Variants in PRKN observed in about 807,000 individuals in gnomAD.
PRKN encodes parkin RBR E3 ubiquitin protein ligase, also known as E3 ubiquitin-protein ligase parkin.
A neutral mutation model predicts 59.5 loss-of-function variants in PRKN; 56 were observed. The ratio of observed to expected loss-of-function variants is 0.94; its 90% CI spans 0.76 to 1.18. The LOEUF (loss-of-function observed/expected upper bound fraction) is 1.18, where lower values mean the gene tolerates loss of function less well. Ranked by LOEUF, PRKN falls within the 50% of genes most tolerant of loss-of-function variation. The pLI, the probability that PRKN is intolerant of heterozygous loss-of-function variation, is 0.00. For missense variants in PRKN, 657 were observed against 596.4 expected, an observed-to-expected ratio of 1.10 and a Z score of -1.06; for synonymous variants, 250 against 222.1, an observed-to-expected ratio of 1.13 and a Z score of -1.12.
intron 1 of PRKN, among the ~76,000 whole-genome samples, chr6:162,509,601 T>C (rs2023000): frequency 6.6e-6 from 1 of 152,010 alleles, no homozygotes; most frequent in Non-Finnish European, 1.5e-5. Context: ...AAAAATAAAT[T>C]AGTTTGAAAG....
intron 2 of PRKN, among the ~76,000 whole-genome samples, chr6:162,322,129 A>G (rs1373240241): frequency 6.6e-6 from 1 of 152,054 alleles, no homozygotes; most frequent in Non-Finnish European, 1.5e-5. Context: ...TAATAAGTAA[A>G]CTTAACAATT....
chr6:161,902,173 G>T (rs545035708), intron 6 of PRKN, among the ~76,000 whole-genome samples: 1 of 152,260 alleles, frequency 6.6e-6, no homozygotes, highest in African/African-American at 2.4e-5. Flanking sequence ...CTGGGCTTAT[G>T]CTGCCTCTTT....
At chr6:161,982,302 T>C (rs1049902220) in intron 5 of PRKN, among the ~76,000 whole-genome samples, 2 of 125,326 alleles carry the variant, frequency 1.6e-5, no homozygotes, top group Non-Finnish European at 3.4e-5. Context: ...GTAGGAAGAA[T>C]CAATATCGTG....
In PRKN at chr6:162,536,971, A is replaced by G. The variant is rs140324443; in HGVS notation, c.8-93498T>C. 1.6e-3 allele frequency among the ~76,000 whole-genome samples: 245 copies of G among 152,256 alleles called. 3 individuals carry two copies. Among genetic ancestry groups the G allele is most frequent in the African/African-American group, 5.4e-3 (224 of 41,556 alleles). On this transcript the variant is annotated intron_variant, in intron 1 of 11. Transcript: ENST00000366898. The stretch of plus-strand genomic sequence containing the variant: ...TTTAAGAAATAGATGGTTGTTGACC[A>G]ATTGTATGTTTTTAAAGAGTTTTCT...
At chr6:161,660,612 C>G (rs1056718977) in intron 7 of PRKN, among the ~76,000 whole-genome samples, 11 of 152,090 alleles carry the variant, frequency 7.2e-5, no homozygotes, top group African/African-American at 2.4e-4. Flanking sequence ...ACGTGAACAG[C>G]GGCAGTGGCC....
chr6:161,760,960 TAG>T (rs1789174773), intron 7 of PRKN, among the ~76,000 whole-genome samples: 1 of 152,168 alleles, frequency 6.6e-6, no homozygotes, highest in African/African-American at 2.4e-5. Context: ...CCACAATCAA[TAG>T]AGTGTTTTTC....
Position 161,533,461 on chromosome 6 carries a change from A to G in PRKN, c.1083+15393T>C, listed in dbSNP as rs111845159. 0.072 allele frequency among the ~76,000 whole-genome samples: 10,952 copies of G among 152,224 alleles called. 524 individuals carry two copies. Among genetic ancestry groups the G allele is most frequent in the African/African-American group, 0.13 (5,456 of 41,506 alleles). On this transcript the variant is annotated intron_variant, in intron 9 of 11. Coordinates refer to ENST00000366898, the MANE Select transcript of PRKN (RefSeq NM_004562.3). The surrounding 1 kb of genome is among the most constrained non-coding windows in gnomAD (Gnocchi z 4.1). ...CCGTAGGAATATACTACCTGGGACT[A>G]GCCATGTTCAAAATGGCGGCTCCAT...
intron 8 of PRKN, among the ~76,000 whole-genome samples, chr6:161,555,576 C>T (rs373029277): frequency 7.2e-5 from 11 of 152,114 alleles, no homozygotes; most frequent in African/African-American, 1.7e-4. Context: ...CATTTTTAAC[C>T]GGACTATCTC....
At chr6:162,711,900 G>A (rs1778553395) in intron 1 of PRKN, among the ~76,000 whole-genome samples, 1 of 152,188 alleles carries the variant, frequency 6.6e-6, no homozygotes, top group South Asian at 2.1e-4. Flanking sequence ...TGCACCGTCT[G>A]AATTAAGACC....
At chr6:161,384,765 C>T (rs1033131766) in intron 10 of PRKN, among the ~76,000 whole-genome samples, 42 of 152,152 alleles carry the variant, frequency 2.8e-4, no homozygotes, top group Non-Finnish European at 4.4e-5. Flanking sequence ...CCAACTCTGA[C>T]CCATCTTCTG....
chr6:162,222,895 C>T (rs897009068), intron 3 of PRKN, among the ~76,000 whole-genome samples: 1 of 151,808 alleles, frequency 6.6e-6, no homozygotes, highest in African/African-American at 2.4e-5. Context: ...TACATGTGCA[C>T]AATGTGCAGG....
At chr6:162,189,829 G>A (rs1412676709) in intron 4 of PRKN, among the ~76,000 whole-genome samples, 2 of 147,014 alleles carry the variant, frequency 1.4e-5, no homozygotes, top group African/African-American at 2.4e-5. Context: ...CAAAGACAAA[G>A]AGCATGGTTC....
chr6:162,144,597 ACAGGCCCACCCC>A (rs913120464), intron 4 of PRKN, among the ~76,000 whole-genome samples: 3 of 152,182 alleles, frequency 2.0e-5, no homozygotes, highest in African/African-American at 7.2e-5. Flanking sequence ...ACCTATGGTC[ACAGGCCCACCCC>A]CAGGTCAACC....
intron 6 of PRKN, among the ~76,000 whole-genome samples, chr6:161,957,226 A>G (rs1453702787): frequency 6.6e-6 from 1 of 152,178 alleles, no homozygotes; most frequent in Non-Finnish European, 1.5e-5. Context: ...AAGCACTGTC[A>G]CGTGAATGTT....
In PRKN at chr6:161,550,310, T is replaced by C. The variant is rs1779954380; in HGVS notation, c.934-1307A>G. Among the ~76,000 whole-genome samples the C allele has an allele frequency of 6.6e-6, 1 of 152,210 alleles. No individual in the cohort carries two copies. The highest frequency in any genetic ancestry group is 1.5e-5 in the Non-Finnish European group (1 of 68,044). On this transcript the variant is annotated intron_variant, in intron 8 of 11. Coordinates refer to ENST00000366898, the MANE Select transcript of PRKN (RefSeq NM_004562.3). This position sits in a 1 kb window ranked among gnomAD's most constrained non-coding sequence, Gnocchi z 4.0. ...GCTGCTTTCAGAACCCTGGGTGTTA[T>C]TCTGGAAGATACCAGAACCACTGCA...
rs1337988115 is a variant in PRKN at position 162,472,526 on chromosome 6, G to A, written c.8-29053C>T. ...GACGGAGTCTCGCTCTGTCGCCCAG[G>A]CCAGACTGCGGACTGCAGTGGCGCA... On this transcript the variant is annotated intron_variant, in intron 1 of 11. Transcript: ENST00000366898. Among the ~76,000 whole-genome samples, 4 of 117,410 alleles carry A rather than the reference G, an allele frequency of 3.4e-5. 1 individual carries two copies. The highest frequency in any genetic ancestry group is 1.2e-4 in the African/African-American group (4 of 33,004). 77.0% of individuals were successfully genotyped at this position (117,410 alleles called of 152,430 possible).
intron 9 of PRKN, among the ~76,000 whole-genome samples, chr6:161,398,336 A>T (rs1786863958): frequency 6.6e-6 from 1 of 152,138 alleles, no homozygotes; most frequent in Non-Finnish European, 1.5e-5. Flanking sequence ...CTAAATTCAC[A>T]TCACAGCACT....
intron 7 of PRKN, among the ~76,000 whole-genome samples, chr6:161,707,681 T>C (rs1424163204): frequency 2.0e-5 from 3 of 151,784 alleles, no homozygotes; most frequent in African/African-American, 7.3e-5. Flanking sequence ...CAACTATATA[T>C]TCAAAGGCAG....
At chr6:162,445,968 G>T (rs1790299065) in intron 1 of PRKN, among the ~76,000 whole-genome samples, 1 of 152,032 alleles carries the variant, frequency 6.6e-6, no homozygotes, top group Non-Finnish European at 1.5e-5. Context: ...TCTCTGACCA[G>T]CACGGAAAGT....
Sources: gnomAD v4.1 joint callset for allele counts (sites outside exome capture counted in the v4.1 genomes callset) on GRCh38, gnomAD v4.1.1 for gene constraint, Gnocchi (gnomAD v3.1) non-coding constraint, MANE v1.5 for transcripts, NCBI Gene and HGNC (gene_info 2026-07-23, HGNC 2026-07-21) for gene names.